The following CFAP43 variants were observed in gnomAD, a reference collection of about 807,000 sequenced individuals.
CFAP43 encodes the protein cilia- and flagella-associated protein 43.
Under a neutral mutation model 218.9 loss-of-function variants are expected in CFAP43, and 155 were observed. The ratio of observed to expected loss-of-function variants is 0.71; its 90% CI spans 0.62 to 0.81. CFAP43 has a LOEUF of 0.81. Ranked by LOEUF, CFAP43 falls within the 30% of genes least tolerant of loss-of-function variation. CFAP43 has a pLI of 0.00. For missense variants in CFAP43, 1,778 were observed against 1,954.3 expected, an observed-to-expected ratio of 0.91 and a Z score of 1.70; for synonymous variants, 645 against 681.3, an observed-to-expected ratio of 0.95 and a Z score of 0.83.
chr10:104,179,761 G>A (rs1342489038), intron 18 of CFAP43, 79 bp downstream of exon 18: 4 of 1,075,612 alleles, frequency 3.7e-6, no homozygotes, highest in Non-Finnish European at 5.6e-6. Flanking sequence ...TAACTTTCCA[G>A]TAGGTTTCCA....
chr10:104,157,773 TGTGAGAGAGAGAGA>T lies in CFAP43; in HGVS notation c.3540+3250_3540+3263del, dbSNP rs759889854. ...GTGTGTGTGTGTGTGTGTGTGTGTG[TGTGAGAGAGAGAGA>T]GAGAGAGAGAGAGAGAGAGAGAATG... is the stretch of plus-strand genomic sequence containing the variant. On this transcript the variant is annotated intron_variant, in intron 27 of 37. Coordinates refer to ENST00000357060, the MANE Select transcript of CFAP43 (RefSeq NM_025145.7). Among the ~76,000 whole-genome samples, 600 of 98,102 alleles carry T rather than the reference TGTGAGAGAGAGAGA, an allele frequency of 6.1e-3. 2 individuals are homozygous for T. Among genetic ancestry groups the T allele is most frequent in the Non-Finnish European group, 7.9e-3 (377 of 47,572 alleles). The allele number at this position is 98,102 out of a possible 152,430, so 64.4% of individuals were successfully genotyped here. A position where few individuals can be genotyped will look rare whatever the true frequency, so the allele number is the denominator to read the frequency against.
intron 10 of CFAP43, among the ~76,000 whole-genome samples, chr10:104,195,425 T>A (rs929348736): frequency 4.6e-5 from 7 of 152,228 alleles, no homozygotes; most frequent in African/African-American, 1.7e-4. Flanking sequence ...CTAATAGAAA[T>A]GAATACATAT....
chr10:104,230,442 G>T, intron 2 of CFAP43, 148 bp downstream of exon 2: 1 of 1,029,776 alleles, frequency 9.7e-7, no homozygotes, highest in Non-Finnish European at 1.4e-6. Flanking sequence ...TCCAGCCTAG[G>T]CAACAGGGCA....
intron 6 of CFAP43, among the ~76,000 whole-genome samples, chr10:104,207,451 G>C (rs532071657): frequency 6.6e-6 from 1 of 152,078 alleles, no homozygotes; most frequent in Non-Finnish European, 1.5e-5. Flanking sequence ...CTTCTGTATC[G>C]TGGAGATTAA....
At chr10:104,229,865 A>G (rs982998306) in intron 2 of CFAP43, among the ~76,000 whole-genome samples, 6 of 152,098 alleles carry the variant, frequency 3.9e-5, no homozygotes, top group African/African-American at 9.7e-5. Context: ...ACAAACATCA[A>G]TTCACCTGGA....
intron 10 of CFAP43, among the ~76,000 whole-genome samples, chr10:104,195,264 A>G (rs1310620363): frequency 6.6e-6 from 1 of 152,140 alleles, no homozygotes; most frequent in Non-Finnish European, 1.5e-5. Context: ...CTATAGGGTA[A>G]TGGTACCTGT....
chr10:104,203,601 A>G (rs771951773), intron 8 of CFAP43, 71 bp downstream of exon 8: 1 of 1,460,256 alleles, frequency 6.8e-7, no homozygotes, highest in South Asian at 1.5e-5. Flanking sequence ...TCTGCTCCTC[A>G]TTCCTGTCAT....
chr10:104,172,577 T>C, intron 19 of CFAP43, 42 bp from the exon 20 acceptor site: 1 of 1,492,622 alleles, frequency 6.7e-7, no homozygotes, highest in Non-Finnish European at 9.0e-7. Flanking sequence ...AGTAAAGAAT[T>C]AAACTGTAAT....
intron 9 of CFAP43, 83 bp downstream of exon 9, chr10:104,197,839 C>T: frequency 1.0e-6 from 1 of 967,096 alleles, no homozygotes; most frequent in African/African-American, 1.6e-5. Context: ...TCAAAGTTAC[C>T]CAATAACATA....
chr10:104,194,360 A>C (rs540177722), intron 10 of CFAP43, among the ~76,000 whole-genome samples: 14 of 152,350 alleles, frequency 9.2e-5, no homozygotes, highest in Non-Finnish European at 1.5e-4. Context: ...GACCAATAAT[A>C]GTGAAAAATA....
At chr10:104,227,918 C>T (rs1332358497) in intron 2 of CFAP43, among the ~76,000 whole-genome samples, 1 of 141,912 alleles carries the variant, frequency 7.0e-6, no homozygotes, top group African/African-American at 2.6e-5. Flanking sequence ...GTGATCTCGG[C>T]TCGCTGCAAC....
chr10:104,186,236 C>G (rs2134891590), intron 14 of CFAP43, 113 bp from the exon 15 acceptor site: 1 of 826,070 alleles, frequency 1.2e-6, no homozygotes, highest in Non-Finnish European at 1.7e-6. Flanking sequence ...AATGATATGG[C>G]ATAAAGTGCA....
intron 5 of CFAP43, among the ~76,000 whole-genome samples, chr10:104,208,810 T>C (rs1249464296): frequency 1.3e-5 from 2 of 152,204 alleles, no homozygotes; most frequent in Non-Finnish European, 2.9e-5. Flanking sequence ...AAAAGGTAGA[T>C]GGAAAATAGA....
At chr10:104,176,892 C>T (rs1434209755) in intron 19 of CFAP43, among the ~76,000 whole-genome samples, 2 of 151,952 alleles carry the variant, frequency 1.3e-5, no homozygotes, top group Non-Finnish European at 2.9e-5. Context: ...CTCTAATTAT[C>T]ATAAATACAT....
intron 3 of CFAP43, among the ~76,000 whole-genome samples, chr10:104,223,560 T>C (rs2091237498): frequency 6.6e-6 from 1 of 152,242 alleles, no homozygotes; most frequent in Non-Finnish European, 1.5e-5. Context: ...ACATTTGTGC[T>C]CATTCCACTT....
At chr10:104,231,674 A>AT (rs1206064792) in intron 1 of CFAP43, among the ~76,000 whole-genome samples, 1 of 152,196 alleles carries the variant, frequency 6.6e-6, no homozygotes, top group African/African-American at 2.4e-5. Context: ...AATGCCACCT[A>AT]TATCTGCGCA....
At chr10:104,221,535 C>T (rs2091181608) in intron 3 of CFAP43, among the ~76,000 whole-genome samples, 2 of 152,126 alleles carry the variant, frequency 1.3e-5, no homozygotes, top group Non-Finnish European at 1.5e-5. Context: ...CAGGCCCTCA[C>T]CAGAAACTGA....
intron 8 of CFAP43, among the ~76,000 whole-genome samples, 173 bp from the exon 9 acceptor site, chr10:104,198,211 ATTTG>A (rs1042085330): frequency 9.3e-4 from 141 of 152,296 alleles, no homozygotes; most frequent in African/African-American, 3.2e-3. Context: ...CAGACACTTG[ATTTG>A]TTTGTTTGTT....
chr10:104,196,049 C>A (rs896327557), intron 10 of CFAP43, among the ~76,000 whole-genome samples: 1 of 152,220 alleles, frequency 6.6e-6, no homozygotes, highest in African/African-American at 2.4e-5. Context: ...AAAGAAGAAG[C>A]ATCTTTGTTC....
Sources: allele counts gnomAD v4.1 joint callset (sites outside exome capture counted in the v4.1 genomes callset), GRCh38; gene constraint gnomAD v4.1.1; transcripts MANE v1.5; gene names NCBI Gene and HGNC (gene_info 2026-07-23, HGNC 2026-07-21).